The following PRKCB variants were observed in gnomAD, a reference collection of about 807,000 sequenced individuals.
PRKCB encodes protein kinase C beta type.
PRKCB carries 13 observed loss-of-function variants against 81.5 expected under a neutral mutation model. That is an observed-to-expected ratio of 0.16 (90% confidence interval 0.10 to 0.25). PRKCB has a LOEUF of 0.25. Among genes scored for constraint, PRKCB ranks in the 10% least tolerant of loss-of-function variants. PRKCB has a pLI of 1.00. For synonymous variants in PRKCB, 335 were observed against 321.4 expected (o/e 1.04, Z -0.45); for missense variants, 509 against 875.7 (o/e 0.58, Z 5.29).
chr16:24,219,069 C>T lies in PRKCB; in HGVS notation c.*4253C>T. 1 of 985,434 alleles carries T rather than the reference C, an allele frequency of 1.0e-6. No individual in the cohort carries two copies. The highest frequency in any genetic ancestry group is 4.7e-5 in the South Asian group (1 of 21,276). The allele number at this position is 985,434 out of a possible 1,614,324, so 61.0% of individuals were successfully genotyped here. On this transcript the variant is annotated 3_prime_UTR_variant, in exon 17 of 17. Transcript: ENST00000643927. ...AGGAAAGACAAGAGGCTTGCAAGGA[C>T]CCTGAAGAGGTCGGAGCATCATACA...
intron 9 of PRKCB, among the ~76,000 whole-genome samples, chr16:24,144,093 G>A (rs1034603953): frequency 6.6e-6 from 1 of 151,916 alleles, no homozygotes; most frequent in Non-Finnish European, 1.5e-5. Context: ...ATTTCTGATT[G>A]CTTTGGTTTC....
At chr16:24,074,847 C>T (rs1966158515) in intron 5 of PRKCB, among the ~76,000 whole-genome samples, 1 of 152,154 alleles carries the variant, frequency 6.6e-6, no homozygotes, top group East Asian at 1.9e-4. Context: ...ACGAGCTTGG[C>T]CTGGTGGCTC....
At chr16:23,937,981 G>T (rs1964085645) in intron 2 of PRKCB, among the ~76,000 whole-genome samples, 1 of 152,178 alleles carries the variant, frequency 6.6e-6, no homozygotes, top group Non-Finnish European at 1.5e-5. Flanking sequence ...GAATCAGATT[G>T]TGGAGGTGGG....
At chr16:24,130,718 G>C (rs1204450773) in intron 9 of PRKCB, among the ~76,000 whole-genome samples, 1 of 152,146 alleles carries the variant, frequency 6.6e-6, no homozygotes, top group Non-Finnish European at 1.5e-5. Context: ...TTAATCCCTA[G>C]AGCTTTGTTT....
chr16:24,154,629 T>C (rs764476534), intron 9 of PRKCB, 55 bp from the exon 10 acceptor site: 329 of 1,578,404 alleles, frequency 2.1e-4, no homozygotes, highest in Non-Finnish European at 2.8e-4. Context: ...CAGCTGCTCA[T>C]AACTGGCCCC....
At chr16:24,126,367 C>T (rs1966844280) in intron 9 of PRKCB, among the ~76,000 whole-genome samples, 1 of 152,124 alleles carries the variant, frequency 6.6e-6, no homozygotes, top group African/African-American at 2.4e-5. Flanking sequence ...TTCTAATAAG[C>T]TGAGTTTTTA....
At chr16:23,909,427 C>T (rs967777368) in intron 2 of PRKCB, among the ~76,000 whole-genome samples, 9 of 152,262 alleles carry the variant, frequency 5.9e-5, no homozygotes, top group East Asian at 3.9e-4. Flanking sequence ...TGTATTCTCA[C>T]GTGGCAGAGA....
chr16:23,876,138 A>G (rs1034127753), intron 2 of PRKCB, among the ~76,000 whole-genome samples: 6 of 152,360 alleles, frequency 3.9e-5, no homozygotes, highest in South Asian at 2.1e-4. Context: ...ACCCCTGTCT[A>G]TGTGCTCTGC....
chr16:24,015,170 C>G (rs62029626), intron 3 of PRKCB, among the ~76,000 whole-genome samples: 15,955 of 152,192 alleles, frequency 0.1, 1,056 homozygotes, highest in Middle Eastern at 0.22. Context: ...AGTCACACAG[C>G]TGGGAGGTCA....
intron 11 of PRKCB, among the ~76,000 whole-genome samples, chr16:24,173,127 G>C (rs1310587072): frequency 6.6e-6 from 1 of 152,082 alleles, no homozygotes; most frequent in Admixed American, 6.5e-5. Flanking sequence ...ACTCCATGGG[G>C]GTGAAGGATC....
At chr16:24,104,304 T>A (rs866932848) in intron 7 of PRKCB, among the ~76,000 whole-genome samples, 5 of 152,238 alleles carry the variant, frequency 3.3e-5, no homozygotes, top group Non-Finnish European at 7.3e-5. Context: ...GTTATCTTTG[T>A]TGCAGCTAAT....
chr16:24,182,393 C>A (rs942485702), intron 13 of PRKCB, among the ~76,000 whole-genome samples: 4 of 152,206 alleles, frequency 2.6e-5, no homozygotes, highest in Admixed American at 2.6e-4. Context: ...CACTAGGTCA[C>A]CCCTGCTGTC....
intron 7 of PRKCB, among the ~76,000 whole-genome samples, chr16:24,097,071 C>T (rs1214261401): frequency 5.8e-5 from 6 of 103,904 alleles, no homozygotes; most frequent in East Asian, 6.1e-4. Flanking sequence ...GAGTCTTGCT[C>T]TGTCACCCAG....
intron 2 of PRKCB, among the ~76,000 whole-genome samples, chr16:23,850,567 G>A (rs1264953213): frequency 2.0e-5 from 3 of 152,132 alleles, no homozygotes; most frequent in African/African-American, 7.2e-5. Flanking sequence ...GTTTCACTGT[G>A]TTGGTGAGGC....
At chr16:24,114,616 G>A (rs1966715573) in intron 8 of PRKCB, among the ~76,000 whole-genome samples, 1 of 152,096 alleles carries the variant, frequency 6.6e-6, no homozygotes, top group East Asian at 1.9e-4. Context: ...CAAAGAAAAT[G>A]TTTGGGGGAA....
intron 2 of PRKCB, among the ~76,000 whole-genome samples, chr16:23,980,674 G>A (rs1964685591): frequency 6.6e-6 from 1 of 152,040 alleles, no homozygotes; most frequent in South Asian, 2.1e-4. Flanking sequence ...TCTGCAACTA[G>A]CGCTAGAATT....
intron 10 of PRKCB, among the ~76,000 whole-genome samples, chr16:24,167,467 G>A (rs995216161): frequency 6.6e-6 from 1 of 152,114 alleles, no homozygotes; most frequent in African/African-American, 2.4e-5. Context: ...GGCTGAGACA[G>A]GAGGATTACT....
intron 2 of PRKCB, among the ~76,000 whole-genome samples, chr16:23,932,969 T>G (rs1011394767): frequency 6.6e-6 from 1 of 152,094 alleles, no homozygotes; most frequent in Non-Finnish European, 1.5e-5. Flanking sequence ...AGGATGCAGT[T>G]CTGATTGAAG....
chr16:24,045,168 G>T (rs919381999), intron 5 of PRKCB, among the ~76,000 whole-genome samples: 11 of 151,390 alleles, frequency 7.3e-5, no homozygotes, highest in African/African-American at 2.7e-4. Context: ...GAAATAAATT[G>T]TCTCAACAAC....
Sources: gnomAD v4.1 joint callset for allele counts (sites outside exome capture counted in the v4.1 genomes callset) on GRCh38, gnomAD v4.1.1 for gene constraint, MANE v1.5 for transcripts, NCBI Gene and HGNC (gene_info 2026-07-23, HGNC 2026-07-21) for gene names.